C2CD5: variants seen among roughly 807,000 people sequenced by gnomAD.
C2CD5 encodes the protein C2 domain-containing protein 5.
C2CD5 carries 109 observed loss-of-function variants against 130.3 expected under a neutral mutation model. That is an observed-to-expected ratio of 0.84 (90% CI 0.72 to 0.98). C2CD5 has a LOEUF of 0.98. Among genes scored for constraint, C2CD5 ranks in the 50% least tolerant of loss-of-function variants. The probability of loss-of-function intolerance (pLI) is 0.00; values close to 1 mark genes in which losing one functional copy is unlikely to be tolerated. For synonymous variants in C2CD5, 454 were observed against 429.2 expected (o/e 1.06, Z -0.71); for missense variants, 996 against 1,261.8 (o/e 0.79, Z 3.19).
chr12:22,519,007 G>A (rs2136964464), intron 7 of C2CD5: 1 of 933,464 alleles, frequency 1.1e-6, no homozygotes, highest in East Asian at 2.8e-5. Flanking sequence ...AGAAAAGGAT[G>A]AAGCAAAGAT....
intron 22 of C2CD5, among the ~76,000 whole-genome samples, chr12:22,462,905 G>GT (rs1941426327): frequency 6.6e-6 from 1 of 152,004 alleles, no homozygotes; most frequent in African/African-American, 2.4e-5. Context: ...TGGGCAACAT[G>GT]TTGAAACCCC....
At chr12:22,534,309 T>C (rs533367835) in intron 3 of C2CD5, among the ~76,000 whole-genome samples, 1 of 152,250 alleles carries the variant, frequency 6.6e-6, no homozygotes, top group African/African-American at 2.4e-5. Context: ...AACATAGGGG[T>C]AATCTTCATG....
intron 26 of C2CD5, among the ~76,000 whole-genome samples, chr12:22,453,636 A>C (rs1939183417): frequency 6.6e-6 from 1 of 152,192 alleles, no homozygotes; most frequent in Non-Finnish European, 1.5e-5. Flanking sequence ...TACCAACAAG[A>C]GGGTGGAAAC....
chr12:22,514,962 A>C (rs1361923541), intron 8 of C2CD5: 2 of 984,740 alleles, frequency 2.0e-6, no homozygotes, highest in East Asian at 2.3e-4. Context: ...ATCCTACCAG[A>C]AGCAGCCAGG....
intron 7 of C2CD5, among the ~76,000 whole-genome samples, chr12:22,523,111 G>A (rs377294997): frequency 6.6e-6 from 1 of 152,040 alleles, no homozygotes; most frequent in Non-Finnish European, 1.5e-5. Flanking sequence ...CTACTCAGGC[G>A]GCTGAGGTGG....
chr12:22,475,763 C>T (rs1319306204), intron 15 of C2CD5, among the ~76,000 whole-genome samples: 2 of 152,076 alleles, frequency 1.3e-5, no homozygotes, highest in Non-Finnish European at 2.9e-5. Flanking sequence ...ACTTTCACAT[C>T]AATTTATCTT....
chr12:22,521,869 A>G (rs1392692844), intron 7 of C2CD5, among the ~76,000 whole-genome samples: 2 of 152,194 alleles, frequency 1.3e-5, no homozygotes, highest in African/African-American at 4.8e-5. Flanking sequence ...ACTTTAAAAA[A>G]GATGGTGAAA....
Position 22,449,670 on chromosome 12 carries a change from G to T in C2CD5, c.*90C>A. The T allele has an allele frequency of 8.4e-7, 1 of 1,189,622 alleles. No individual in the cohort carries two copies. Among genetic ancestry groups the T allele is most frequent in the Non-Finnish European group, 1.2e-6 (1 of 833,056 alleles). 73.7% of individuals were successfully genotyped at this position (1,189,622 alleles called of 1,614,324 possible). ...CTCAATTCTTCCTTATTTATCTCAAGTTCAATTTTAAGTCTAAGAAGATAA... is the reference window on the plus strand; with the variant it reads ...CTCAATTCTTCCTTATTTATCTCAATTTCAATTTTAAGTCTAAGAAGATAA... On this transcript the variant is annotated 3_prime_UTR_variant, in exon 27 of 27. Coordinates refer to ENST00000446597, the MANE Select transcript of C2CD5 (RefSeq NM_001286176.2).
intron 2 of C2CD5, 134 bp downstream of exon 2, chr12:22,543,927 G>T: frequency 1.5e-6 from 1 of 666,374 alleles, no homozygotes; most frequent in East Asian, 2.7e-5. Context: ...ATCCCTCGTG[G>T]GAGAGCTGGA....
intron 17 of C2CD5, 71 bp downstream of exon 17, chr12:22,472,673 C>G (rs371661472): frequency 1.4e-5 from 12 of 887,026 alleles, no homozygotes; most frequent in East Asian, 7.2e-5. Flanking sequence ...AAAATTAGTA[C>G]TGTAACAATT....
intron 12 of C2CD5, among the ~76,000 whole-genome samples, chr12:22,488,154 C>A (rs1366675081): frequency 6.6e-6 from 1 of 151,796 alleles, no homozygotes; most frequent in East Asian, 1.9e-4. Context: ...TGTAACAAAC[C>A]TGCACGTTGT....
At chr12:22,456,346 A>G (rs1436788080) in intron 25 of C2CD5, among the ~76,000 whole-genome samples, 3 of 152,200 alleles carry the variant, frequency 2.0e-5, no homozygotes, top group Non-Finnish European at 4.4e-5. Context: ...ATATGACACA[A>G]CGTAATTTTT....
intron 22 of C2CD5, among the ~76,000 whole-genome samples, chr12:22,459,878 G>A (rs554672403): frequency 1.3e-5 from 2 of 152,190 alleles, no homozygotes; most frequent in Non-Finnish European, 2.9e-5. Flanking sequence ...CAGAGAAAAG[G>A]GTCAATGTGT....
intron 3 of C2CD5, among the ~76,000 whole-genome samples, chr12:22,530,699 C>T (rs1217164381): frequency 6.6e-6 from 1 of 152,020 alleles, no homozygotes; most frequent in Non-Finnish European, 1.5e-5. Flanking sequence ...TCAGGTGATT[C>T]GCCTGCCTCG....
At chr12:22,521,271 C>CA (rs1950243611) in intron 7 of C2CD5, among the ~76,000 whole-genome samples, 1 of 152,108 alleles carries the variant, frequency 6.6e-6, no homozygotes, top group Non-Finnish European at 1.5e-5. Context: ...TAAAAAATAA[C>CA]TTGACTTAAT....
chr12:22,457,159 T>G lies in C2CD5; in HGVS notation c.2689A>C (p.Met897Leu), dbSNP rs767886202. The change falls in exon 25 of 27, where the codon ATG (methionine) becomes CTG (leucine). Residue 897 changes from methionine (M) to leucine (L), a missense_variant and splice_region_variant. This residue lies in a region of C2CD5 where 590 missense variants were observed against 631.4 expected (regional missense o/e 0.93). Coordinates refer to ENST00000446597, the MANE Select transcript of C2CD5 (RefSeq NM_001286176.2). ...ACTGGACTTGCTTTTTCAACTGTCA[T>G]GGCTAAAATTGGAGAAAAATGAGAA... ...TIRRGSIKTT[M>L]TVEKASPVGD... The G allele has an allele frequency of 6.3e-7, 1 of 1,592,582 alleles. No individual in the cohort carries two copies. The highest frequency in any genetic ancestry group is 1.4e-5 in the African/African-American group (1 of 73,742).
At chr12:22,499,926 G>A (rs938413791) in intron 10 of C2CD5, among the ~76,000 whole-genome samples, 2 of 152,142 alleles carry the variant, frequency 1.3e-5, no homozygotes, top group Non-Finnish European at 1.5e-5. Context: ...AGTGGCTCAC[G>A]CCCGTAATCC....
At chr12:22,505,535 A>T (rs1039781717) in intron 10 of C2CD5, among the ~76,000 whole-genome samples, 2 of 152,140 alleles carry the variant, frequency 1.3e-5, no homozygotes, top group African/African-American at 4.8e-5. Context: ...ACAATTTAAA[A>T]TTTTCAAAAA....
intron 3 of C2CD5, among the ~76,000 whole-genome samples, chr12:22,530,088 A>ATG (rs1306521678): frequency 3.8e-5 from 4 of 105,912 alleles, no homozygotes; most frequent in Non-Finnish European, 7.5e-5. Flanking sequence ...ATATATATAT[A>ATG]TATATATATA....
Sources: allele counts gnomAD v4.1 joint callset (sites outside exome capture counted in the v4.1 genomes callset), GRCh38; gene constraint gnomAD v4.1.1; regional missense constraint gnomAD v4.1.1; transcripts MANE v1.5; gene names NCBI Gene and HGNC (gene_info 2026-07-23, HGNC 2026-07-21).